Variants in RICTOR observed in about 807,000 individuals in gnomAD.
The protein encoded by RICTOR is RPTOR independent companion of MTOR complex 2, also known as rapamycin-insensitive companion of mTOR.
In RICTOR, 49 loss-of-function variants were observed where a neutral mutation model predicts 214.9. The observed-to-expected ratio is 0.23, with a 90% CI of 0.18 to 0.29. The LOEUF is 0.29. Ranked by LOEUF, RICTOR falls within the 10% of genes least tolerant of loss-of-function variation. RICTOR has a pLI of 1.00. For missense variants in RICTOR, 1,625 were observed against 2,047.0 expected (o/e 0.79, Z 3.98); for synonymous variants, 717 against 711.3 (o/e 1.01, Z -0.13).
chr5:38,975,718 A>G, intron 9 of RICTOR, 114 bp from the exon 10 acceptor site: 2 of 638,384 alleles, frequency 3.1e-6, no homozygotes, highest in Non-Finnish European at 5.3e-6. Flanking sequence ...ACATTTACAC[A>G]TAAAATTAAA....
intron 14 of RICTOR, 66 bp from the exon 15 acceptor site, chr5:38,966,787 A>T (rs2150031304): frequency 2.3e-6 from 2 of 857,846 alleles, no homozygotes; most frequent in Non-Finnish European, 3.6e-6. Context: ...TATGCATCAG[A>T]TTTATTTTTC....
At chr5:39,006,956 G>C (rs1009066471) in intron 3 of RICTOR, among the ~76,000 whole-genome samples, 9 of 152,090 alleles carry the variant, frequency 5.9e-5, no homozygotes, top group Non-Finnish European at 1.3e-4. Flanking sequence ...TTACTGTCTT[G>C]TACAGTGTTG....
At chr5:38,958,910 C>A in intron 22 of RICTOR, 79 bp from the exon 23 acceptor site, 1 of 1,049,366 alleles carries the variant, frequency 9.5e-7, no homozygotes, top group Non-Finnish European at 1.3e-6. Context: ...TTGGGATAGT[C>A]CTGCTACTTG....
At chr5:39,004,830 G>A (rs1333350947) in intron 3 of RICTOR, among the ~76,000 whole-genome samples, 1 of 134,704 alleles carries the variant, frequency 7.4e-6, no homozygotes, top group Non-Finnish European at 1.5e-5. Flanking sequence ...TGCCCAGACT[G>A]GAGCGCAATG....
intron 19 of RICTOR, among the ~76,000 whole-genome samples, chr5:38,961,398 T>G (rs778528035): frequency 6.6e-6 from 1 of 152,188 alleles, no homozygotes. Flanking sequence ...TGTTGGTTTT[T>G]CACAATTAGG....
chr5:39,037,667 C>T (rs10240775), intron 2 of RICTOR, among the ~76,000 whole-genome samples: 1,992 of 152,250 alleles, frequency 0.013, 46 homozygotes, highest in African/African-American at 0.045. Context: ...ATACAAACTA[C>T]GATCAGAGAA....
chr5:38,966,173 A>G (rs565145685), intron 15 of RICTOR, among the ~76,000 whole-genome samples: 16 of 152,346 alleles, frequency 1.1e-4, no homozygotes, highest in African/African-American at 2.9e-4. Flanking sequence ...TTTATAGAAA[A>G]GACTATAATG....
At chr5:39,003,365 G>C (rs879387670) in intron 4 of RICTOR, among the ~76,000 whole-genome samples, 193 bp downstream of exon 4, 9 of 152,046 alleles carry the variant, frequency 5.9e-5, no homozygotes, top group Non-Finnish European at 1.3e-4. Context: ...TTCATATTTA[G>C]TAATTAGAAA....
Position 38,944,509 on chromosome 5 carries a change from A to C in RICTOR, c.4850T>G (p.Leu1617Arg). 1 of 1,612,472 alleles carries C rather than the reference A, an allele frequency of 6.2e-7. No individual in the cohort carries two copies. The highest frequency in any genetic ancestry group is 8.5e-7 in the Non-Finnish European group (1 of 1,179,048). The change falls in exon 36 of 38, where the codon CTA (leucine) becomes CGA (arginine). Residue 1617 changes from leucine (L) to arginine (R), a missense_variant. By Grantham distance (102) the Leu-to-Arg change is moderately radical. Around this residue, in one of 5 missense-constraint regions of RICTOR, gnomAD observed 44 missense variants for 90.1 expected, o/e 0.49. Transcript: ENST00000357387. ...MCRILLRKEV[L>R]RLVINLSSSV... ...ACTACTCAAATTAATGACTAATCTT[A>C]GAACTTCTTTGCGAAGGAGTATACG... is the stretch of plus-strand genomic sequence containing the variant.
chr5:38,994,451 A>AAAAG lies in RICTOR; in HGVS notation c.456+2367_456+2368insCTTT, dbSNP rs1304761708. Among the ~76,000 whole-genome samples the AAAAG allele has an allele frequency of 3.3e-3, 335 of 101,540 alleles. 61 individuals carry two copies. Among genetic ancestry groups the AAAAG allele is most frequent in the South Asian group, 8.5e-3 (26 of 3,062 alleles). 66.6% of individuals were successfully genotyped at this position (101,540 alleles called of 152,430 possible). A position where few individuals can be genotyped will look rare whatever the true frequency, so the allele number is the denominator to read the frequency against. ...AAAAAAAAAAAAAAAAAAAAAAAAA[A>AAAAG]AGTGCTTCAGATGCCAAAAGCACTA... On this transcript the variant is annotated intron_variant, in intron 6 of 37. Transcript: ENST00000357387.
At chr5:38,994,165 G>A (rs1752991504) in intron 6 of RICTOR, among the ~76,000 whole-genome samples, 2 of 151,964 alleles carry the variant, frequency 1.3e-5, no homozygotes, top group African/African-American at 2.4e-5. Context: ...ACTCCAGCCT[G>A]GGTGACAGAG....
In RICTOR at chr5:38,990,743, A is replaced by C. The variant is rs202052636; in HGVS notation, c.583+206T>G. Among the ~76,000 whole-genome samples the C allele has an allele frequency of 1.0e-3, 59 of 58,618 alleles. 2 individuals carry two copies. The highest frequency in any genetic ancestry group is 1.4e-3 in the South Asian group (3 of 2,100). The allele number at this position is 58,618 out of a possible 152,430, so 38.5% of individuals were successfully genotyped here. A position where few individuals can be genotyped will look rare whatever the true frequency, so the allele number is the denominator to read the frequency against. On this transcript the variant is annotated intron_variant, in intron 7 of 37. Coordinates refer to ENST00000357387, the MANE Select transcript of RICTOR (RefSeq NM_152756.5). The stretch of plus-strand genomic sequence containing the variant: ...GATATATATCATATATATGATATAT[A>C]TGAGATATATGATATATATGAGATA...
At chr5:39,042,065 A>C (rs1263300388) in intron 2 of RICTOR, among the ~76,000 whole-genome samples, 3 of 152,126 alleles carry the variant, frequency 2.0e-5, no homozygotes, top group Non-Finnish European at 4.4e-5. Flanking sequence ...AGAAATACCA[A>C]TTCCAGGGTC....
At chr5:38,956,555 G>T (rs1392986978) in intron 25 of RICTOR, among the ~76,000 whole-genome samples, 1 of 151,790 alleles carries the variant, frequency 6.6e-6, no homozygotes, top group African/African-American at 2.4e-5. Flanking sequence ...TAATTTATTT[G>T]CCTACTTACT....
intron 2 of RICTOR, among the ~76,000 whole-genome samples, chr5:39,033,308 C>T (rs990096836): frequency 2.0e-5 from 3 of 151,164 alleles, no homozygotes; most frequent in South Asian, 2.1e-4. Context: ...CAGGCTGGAG[C>T]GCTGGAGTGC....
At position 39,003,634 on chromosome 5, in the gene RICTOR, A is replaced by G; in HGVS notation, c.196-12T>C. 1 of 1,582,996 alleles carries G rather than the reference A, an allele frequency of 6.3e-7. No homozygotes were observed. The highest frequency in any genetic ancestry group is 8.7e-7 in the Non-Finnish European group (1 of 1,154,610). On this transcript the variant is annotated splice_polypyrimidine_tract_variant and intron_variant, in intron 3 of 37. Coordinates refer to ENST00000357387, the MANE Select transcript of RICTOR (RefSeq NM_152756.5). ...ATATCACAAAGAAGCTGTCAGAAAA[A>G]CAAAATAAGTGTGCATTTATGTGTT... is the stretch of plus-strand genomic sequence containing the variant.
intron 27 of RICTOR, among the ~76,000 whole-genome samples, chr5:38,954,213 A>C (rs1432688610): frequency 6.6e-6 from 1 of 151,972 alleles, no homozygotes; most frequent in Non-Finnish European, 1.5e-5. Flanking sequence ...AAAATAAGAG[A>C]AACGTTACAT....
chr5:39,038,047 G>A (rs1756868517), intron 2 of RICTOR, among the ~76,000 whole-genome samples: 1 of 152,186 alleles, frequency 6.6e-6, no homozygotes, highest in Non-Finnish European at 1.5e-5. Context: ...TATCCCTGAT[G>A]AACATTGATG....
At chr5:38,975,177 A>G (rs1751108162) in intron 10 of RICTOR, among the ~76,000 whole-genome samples, 1 of 152,212 alleles carries the variant, frequency 6.6e-6, no homozygotes, top group Admixed American at 6.5e-5. Context: ...CTATGACACT[A>G]CACTGTACTT....
Sources: allele counts gnomAD v4.1 joint callset (sites outside exome capture counted in the v4.1 genomes callset), GRCh38; gene constraint gnomAD v4.1.1; regional missense constraint gnomAD v4.1.1; transcripts MANE v1.5; gene names NCBI Gene and HGNC (gene_info 2026-07-23, HGNC 2026-07-21).